The following GOLPH3 variants were observed in gnomAD, a reference collection of about 807,000 sequenced individuals.
GOLPH3 encodes the protein golgi phosphoprotein 3.
Under a neutral mutation model 28.5 loss-of-function variants are expected in GOLPH3, and 14 were observed. The ratio of observed to expected loss-of-function variants is 0.49; its 90% CI spans 0.32 to 0.77. GOLPH3 has a LOEUF of 0.77. Ranked by LOEUF, GOLPH3 falls within the 30% of genes least tolerant of loss-of-function variation. The probability of loss-of-function intolerance (pLI) is 0.03; values close to 1 mark genes in which losing one functional copy is unlikely to be tolerated. For missense variants in GOLPH3, 350 were observed against 393.7 expected (o/e 0.89, Z 0.94); for synonymous variants, 158 against 159.2 (o/e 0.99, Z 0.06).
chr5:32,150,358 T>G (rs955164199), intron 1 of GOLPH3, among the ~76,000 whole-genome samples: 2 of 148,566 alleles, frequency 1.3e-5, no homozygotes, highest in African/African-American at 2.5e-5. Flanking sequence ...AAATGTAATA[T>G]CCCAATAAAA....
intron 1 of GOLPH3, among the ~76,000 whole-genome samples, chr5:32,156,777 A>C (rs535742311): frequency 1.3e-5 from 2 of 152,268 alleles, no homozygotes; most frequent in African/African-American, 4.8e-5. Flanking sequence ...TGCTGATCTG[A>C]CAGGAGGCGG....
intron 2 of GOLPH3, among the ~76,000 whole-genome samples, chr5:32,142,890 G>T (rs1345944943): frequency 6.6e-6 from 1 of 151,358 alleles, no homozygotes; most frequent in African/African-American, 2.4e-5. Context: ...CCTCTGCCCG[G>T]CCGCGCCTAC....
In GOLPH3 at chr5:32,124,991, G is replaced by A. The variant is rs1745644431; in HGVS notation, c.*1221C>T. 1.3e-5 allele frequency: 2 copies of A among 152,538 alleles called. No homozygotes were observed. The highest frequency in any genetic ancestry group is 4.8e-5 in the African/African-American group (2 of 41,412). 9.4% of individuals were successfully genotyped at this position (152,538 alleles called of 1,614,324 possible). On this transcript the variant is annotated 3_prime_UTR_variant, in exon 4 of 4. Transcript: ENST00000265070. ...GATACAATAAAGTGATAAAGAAATA[G>A]TAAAAATAAACTTTAAAAAGCAAAG...
intron 1 of GOLPH3, among the ~76,000 whole-genome samples, chr5:32,162,958 G>T (rs1746622841): frequency 1.3e-5 from 2 of 152,150 alleles, no homozygotes. Flanking sequence ...GGCGCCTGTA[G>T]TCCCAGCTAC....
chr5:32,133,998 T>C (rs566236447), intron 3 of GOLPH3, among the ~76,000 whole-genome samples: 1 of 152,330 alleles, frequency 6.6e-6, no homozygotes, highest in South Asian at 2.1e-4. Context: ...GAAAAAATAA[T>C]GAACCTTGCC....
chr5:32,157,800 A>G (rs1406268856), intron 1 of GOLPH3, among the ~76,000 whole-genome samples: 17 of 151,964 alleles, frequency 1.1e-4, no homozygotes, highest in Admixed American at 1.1e-3. Flanking sequence ...CAATATAGTG[A>G]AACCCCATCG....
rs574802444 is a variant in GOLPH3 at position 32,159,772 on chromosome 5, A to G, written c.225+14038T>C. ...TTCTACAATTACCTAGTAAAATATC[A>G]TCACCTTTTTACATTTGAAAAATCT... On this transcript the variant is annotated intron_variant, in intron 1 of 3. Coordinates refer to ENST00000265070, the MANE Select transcript of GOLPH3 (RefSeq NM_022130.4). Among the ~76,000 whole-genome samples, 9 of 152,188 alleles carry G rather than the reference A, an allele frequency of 5.9e-5. No individual in the cohort carries two copies. The South Asian group carries it at 1.7e-3, about 28-fold the overall frequency.
At chr5:32,137,528 G>A (rs1323068358) in intron 2 of GOLPH3, among the ~76,000 whole-genome samples, 5 of 151,948 alleles carry the variant, frequency 3.3e-5, no homozygotes, top group South Asian at 4.2e-4. Context: ...GTGTGGTGGC[G>A]CATGCCTGTA....
intron 1 of GOLPH3, among the ~76,000 whole-genome samples, chr5:32,144,844 ACAACT>A (rs1309728922): frequency 1.3e-5 from 2 of 152,188 alleles, no homozygotes; most frequent in Non-Finnish European, 2.9e-5. Context: ...TTAACAGCAA[ACAACT>A]GGGGTTGTTC....
chr5:32,156,061 A>C (rs1746419243), intron 1 of GOLPH3, among the ~76,000 whole-genome samples: 1 of 150,000 alleles, frequency 6.7e-6, no homozygotes, highest in South Asian at 2.1e-4. Context: ...TCATGAATGC[A>C]ATTAGTGCCC....
intron 1 of GOLPH3, among the ~76,000 whole-genome samples, chr5:32,171,018 T>C (rs1247606747): frequency 1.3e-5 from 2 of 152,192 alleles, no homozygotes; most frequent in African/African-American, 2.4e-5. Context: ...TGACTCTTGA[T>C]GCAAAATAAA....
chr5:32,146,891 T>C (rs1248736035), intron 1 of GOLPH3, among the ~76,000 whole-genome samples: 1 of 151,576 alleles, frequency 6.6e-6, no homozygotes, highest in African/African-American at 2.4e-5. Flanking sequence ...CTAACACTAA[T>C]GACAGCTGAT....
At chr5:32,148,602 C>G (rs1456676108) in intron 1 of GOLPH3, among the ~76,000 whole-genome samples, 1 of 152,114 alleles carries the variant, frequency 6.6e-6, no homozygotes, top group Non-Finnish European at 1.5e-5. Flanking sequence ...TCGAGACCAT[C>G]CTGGCTAACA....
intron 3 of GOLPH3, among the ~76,000 whole-genome samples, chr5:32,130,589 AGCCAAACAACATCTACT>A (rs1332382725): frequency 2.6e-5 from 4 of 152,200 alleles, no homozygotes; most frequent in Non-Finnish European, 5.9e-5. Context: ...GAGACATCTT[AGCCAAACAACATCTACT>A]GCCAAACAAC....
At chr5:32,160,283 G>C (rs892419632) in intron 1 of GOLPH3, among the ~76,000 whole-genome samples, 1 of 151,952 alleles carries the variant, frequency 6.6e-6, no homozygotes, top group African/African-American at 2.4e-5. Flanking sequence ...TTGCTGTGTT[G>C]CCCAGGCTGG....
Position 32,148,867 on chromosome 5 carries a change from C to G in GOLPH3, c.226-4987G>C, listed in dbSNP as rs545586581. 4.7e-4 allele frequency among the ~76,000 whole-genome samples: 72 copies of G among 152,226 alleles called. No homozygotes were observed. In the South Asian group the frequency reaches 0.015, roughly 31 times the overall value. ...GCGCATGCCTGTAATCCCAGCTACT[C>G]AGGAGGTTGAGGCAGGAGAACTGCT... On this transcript the variant is annotated intron_variant, in intron 1 of 3. Transcript: ENST00000265070.
Position 32,143,796 on chromosome 5 carries a change from GTAA to G in GOLPH3, c.307_309del (p.Leu103del), listed in dbSNP as rs1746135127. 1 of 1,605,936 alleles carries G rather than the reference GTAA, an allele frequency of 6.2e-7. No homozygotes were observed. Among genetic ancestry groups the G allele is most frequent in the Non-Finnish European group, 8.5e-7 (1 of 1,177,512 alleles). ...CGTCTCATTCCACAAGCCTCTAGTT[GTAA>G]CCTTCCTCTCAATGCTAATTCAATT... On this transcript the variant is annotated inframe_deletion, in exon 2 of 4. Coordinates refer to ENST00000265070, the MANE Select transcript of GOLPH3 (RefSeq NM_022130.4).
chr5:32,128,594 G>A (rs981098492), intron 3 of GOLPH3, among the ~76,000 whole-genome samples: 2 of 152,144 alleles, frequency 1.3e-5, no homozygotes, highest in Non-Finnish European at 2.9e-5. Flanking sequence ...GGGGAGGGCA[G>A]AGGTTGCAGT....
rs1489790251 is a variant in GOLPH3, at chr5:32,158,025, C to T, written c.226-14145G>A. Among the ~76,000 whole-genome samples, 247 of 59,274 alleles carry T rather than the reference C, an allele frequency of 4.2e-3. 15 individuals carry two copies. The highest frequency in any genetic ancestry group is 0.038 in the East Asian group (74 of 1,958). 38.9% of individuals were successfully genotyped at this position (59,274 alleles called of 152,430 possible). A position where few individuals can be genotyped will look rare whatever the true frequency, so the allele number is the denominator to read the frequency against. On this transcript the variant is annotated intron_variant, in intron 1 of 3. Coordinates refer to ENST00000265070, the MANE Select transcript of GOLPH3 (RefSeq NM_022130.4). ...AATAAATAAATAAATAAATAAAATA[C>T]ACACACACACACACACACACACACA... is the stretch of plus-strand genomic sequence containing the variant.
Sources: gnomAD v4.1 joint callset for allele counts (sites outside exome capture counted in the v4.1 genomes callset) on GRCh38, gnomAD v4.1.1 for gene constraint, MANE v1.5 for transcripts, NCBI Gene and HGNC (gene_info 2026-07-23, HGNC 2026-07-21) for gene names.